CTNND2: variants seen among roughly 807,000 people sequenced by gnomAD.
CTNND2 encodes the protein catenin delta 2.
In CTNND2, 22 loss-of-function variants were observed where a neutral mutation model predicts 144.4. The observed-to-expected ratio is 0.15, with a 90% CI of 0.11 to 0.22. The LOEUF (loss-of-function observed/expected upper bound fraction) is 0.22, where lower values mean the gene tolerates loss of function less well. CTNND2 is among the 10% of genes least tolerant of loss of function. CTNND2 has a pLI of 1.00. For synonymous variants in CTNND2, 751 were observed against 695.6 expected, an observed-to-expected ratio of 1.08 and a Z score of -1.25; for missense variants, 1,353 against 1,618.8, an observed-to-expected ratio of 0.84 and a Z score of 2.82.
At chr5:11,757,589 G>A (rs1017510733) in intron 1 of CTNND2, among the ~76,000 whole-genome samples, 1 of 151,932 alleles carries the variant, frequency 6.6e-6, no homozygotes, top group Non-Finnish European at 1.5e-5. Context: ...ATAAAGGAAT[G>A]CCAAATTACA....
chr5:11,097,559 G>T (rs1459289572), intron 15 of CTNND2, among the ~76,000 whole-genome samples: 3 of 152,186 alleles, frequency 2.0e-5, no homozygotes, highest in Admixed American at 1.3e-4. Context: ...CTGTAGCTTG[G>T]ACTGTAGTAA....
chr5:11,657,846 G>A (rs1408405995), intron 2 of CTNND2, among the ~76,000 whole-genome samples: 1 of 151,876 alleles, frequency 6.6e-6, no homozygotes, highest in Non-Finnish European at 1.5e-5. Flanking sequence ...ATGTACCCCC[G>A]AAATTAGAAG....
chr5:11,806,751 G>A (rs1792026480), intron 1 of CTNND2, among the ~76,000 whole-genome samples: 1 of 152,032 alleles, frequency 6.6e-6, no homozygotes, highest in African/African-American at 2.4e-5. Context: ...ATAACACTGA[G>A]AAGGGTGCCT....
intron 2 of CTNND2, among the ~76,000 whole-genome samples, chr5:11,635,852 C>T (rs1267314731): frequency 6.6e-6 from 1 of 152,136 alleles, no homozygotes; most frequent in Non-Finnish European, 1.5e-5. Context: ...CAGCTCCCAC[C>T]CCTACTCCTT....
At chr5:11,279,828 G>C (rs1191070449) in intron 9 of CTNND2, among the ~76,000 whole-genome samples, 1 of 152,086 alleles carries the variant, frequency 6.6e-6, no homozygotes, top group Non-Finnish European at 1.5e-5. Flanking sequence ...GAGAGAGCAT[G>C]GTATGGGGGT....
intron 18 of CTNND2, among the ~76,000 whole-genome samples, chr5:10,993,523 A>G (rs1008378556): frequency 6.6e-6 from 1 of 152,166 alleles, no homozygotes; most frequent in Admixed American, 6.5e-5. Context: ...ACATTATAGC[A>G]AAGAAAAGCA....
chr5:11,526,046 C>T lies in CTNND2; in HGVS notation c.287+38898G>A, dbSNP rs152779. ...AGCCTCCTATGTAGCTGGAATTGCA[C>T]GTGTGTGCCACCACACATGGCTAAT... On this transcript the variant is annotated intron_variant, in intron 3 of 21. Coordinates refer to ENST00000304623, the MANE Select transcript of CTNND2 (RefSeq NM_001332.4). Among the ~76,000 whole-genome samples, 1,262 of 152,172 alleles carry T rather than the reference C, an allele frequency of 8.3e-3. 13 individuals carry two copies. Among genetic ancestry groups the T allele is most frequent in the African/African-American group, 0.024 (986 of 41,524 alleles).
chr5:11,674,876 C>A (rs527338526), intron 2 of CTNND2, among the ~76,000 whole-genome samples: 1 of 152,244 alleles, frequency 6.6e-6, no homozygotes, highest in African/African-American at 2.4e-5. Flanking sequence ...CAGGCACATG[C>A]CACCATGCCT....
intron 2 of CTNND2, among the ~76,000 whole-genome samples, chr5:11,683,149 T>G (rs563823434): frequency 1.3e-5 from 2 of 152,330 alleles, no homozygotes; most frequent in African/African-American, 4.8e-5. Context: ...TCTAACTAGT[T>G]TCTAACGCAT....
chr5:11,345,222 A>G (rs1219118937), intron 9 of CTNND2, among the ~76,000 whole-genome samples: 1 of 152,210 alleles, frequency 6.6e-6, no homozygotes, highest in Non-Finnish European at 1.5e-5. Context: ...GACCAAGACT[A>G]TAAAGAGTGC....
chr5:11,474,486 G>A (rs1268325202), intron 3 of CTNND2, among the ~76,000 whole-genome samples: 2 of 152,194 alleles, frequency 1.3e-5, no homozygotes, highest in Non-Finnish European at 2.9e-5. Flanking sequence ...TTGGAGAAGA[G>A]AGAAGTAAAC....
intron 10 of CTNND2, among the ~76,000 whole-genome samples, chr5:11,228,331 G>A (rs1339155978): frequency 1.7e-5 from 2 of 119,776 alleles, no homozygotes; most frequent in Admixed American, 1.1e-4. Context: ...GGCAACAGAG[G>A]AGACTCTGTC....
chr5:11,096,366 C>A (rs1361655380), intron 15 of CTNND2, among the ~76,000 whole-genome samples: 1 of 152,118 alleles, frequency 6.6e-6, no homozygotes, highest in Non-Finnish European at 1.5e-5. Context: ...TCCCTGTTTC[C>A]ATGTGTTCTC....
chr5:11,083,668 G>A (rs183825550), intron 15 of CTNND2, among the ~76,000 whole-genome samples: 1 of 152,342 alleles, frequency 6.6e-6, no homozygotes, highest in Non-Finnish European at 1.5e-5. Flanking sequence ...ACAGTGTCCT[G>A]GAGAAGAGAG....
At chr5:11,656,690 G>C (rs1336528991) in intron 2 of CTNND2, among the ~76,000 whole-genome samples, 1 of 152,088 alleles carries the variant, frequency 6.6e-6, no homozygotes, top group African/African-American at 2.4e-5. Context: ...TGTTAATGCA[G>C]AGCCACAAAA....
intron 12 of CTNND2, among the ~76,000 whole-genome samples, chr5:11,155,873 A>T (rs1305448358): frequency 6.6e-6 from 1 of 152,204 alleles, no homozygotes; most frequent in Non-Finnish European, 1.5e-5. Context: ...TACATTTCAT[A>T]TGTGCTTAAA....
intron 1 of CTNND2, among the ~76,000 whole-genome samples, chr5:11,808,334 T>A (rs1287963155): frequency 6.6e-6 from 1 of 152,094 alleles, no homozygotes; most frequent in Admixed American, 6.6e-5. Flanking sequence ...AGACAGAAAC[T>A]GCTATGCTCA....
intron 3 of CTNND2, among the ~76,000 whole-genome samples, chr5:11,470,352 T>C (rs1767077334): frequency 6.6e-6 from 1 of 152,132 alleles, no homozygotes; most frequent in Non-Finnish European, 1.5e-5. Flanking sequence ...GAGGATTGCT[T>C]GAACTTGGGA....
chr5:11,305,671 A>G (rs1299790020), intron 9 of CTNND2, among the ~76,000 whole-genome samples: 1 of 152,254 alleles, frequency 6.6e-6, no homozygotes, highest in East Asian at 1.9e-4. Context: ...AACAAGGAGC[A>G]CCTGCCTCTT....
Sources: gnomAD v4.1 joint callset for allele counts (sites outside exome capture counted in the v4.1 genomes callset) on GRCh38, gnomAD v4.1.1 for gene constraint, MANE v1.5 for transcripts, NCBI Gene and HGNC (gene_info 2026-07-23, HGNC 2026-07-21) for gene names.